STAU2: variants seen among roughly 807,000 people sequenced by gnomAD.
STAU2 encodes the protein double-stranded RNA-binding protein Staufen homolog 2.
STAU2 carries 20 observed loss-of-function variants against 65.9 expected under a neutral mutation model. That is an observed-to-expected ratio of 0.30 (90% CI 0.21 to 0.44). The LOEUF (loss-of-function observed/expected upper bound fraction) is 0.44, where lower values mean the gene tolerates loss of function less well. Among genes scored for constraint, STAU2 ranks in the 20% least tolerant of loss-of-function variants. The pLI is 1.00. For synonymous variants in STAU2, 232 were observed against 233.9 expected (o/e 0.99, Z 0.07); for missense variants, 558 against 683.9 (o/e 0.82, Z 2.05).
Position 73,637,477 on chromosome 8 carries a change from T to TAAAAAAAAAAAAAAAAAAAAAAAAAA in STAU2, c.411-20052_411-20027dup, listed in dbSNP as rs60833468. Reference sequence around the variant, plus strand: ...TAAAGTCTTTATAAAGTGCTGAAAGTAAAAAAAAAAAAAAAAAAAAAAAAA... The same window carrying TAAAAAAAAAAAAAAAAAAAAAAAAAA: ...TAAAGTCTTTATAAAGTGCTGAAAGTAAAAAAAAAAAAAAAAAAAAAAAAAAAAAAAAAAAAAAAAAAAAAAAAAAA... On this transcript the variant is annotated intron_variant, in intron 6 of 14. Coordinates refer to ENST00000524300, the MANE Select transcript of STAU2 (RefSeq NM_001164380.2). Among the ~76,000 whole-genome samples the TAAAAAAAAAAAAAAAAAAAAAAAAAA allele has an allele frequency of 5.1e-4, 29 of 57,088 alleles. 1 individual carries two copies. Among genetic ancestry groups the TAAAAAAAAAAAAAAAAAAAAAAAAAA allele is most frequent in the Non-Finnish European group, 5.9e-4 (20 of 33,718 alleles). The allele number at this position is 57,088 out of a possible 152,430, so 37.5% of individuals were successfully genotyped here. A position where few individuals can be genotyped will look rare whatever the true frequency, so the allele number is the denominator to read the frequency against.
In STAU2 at chr8:73,613,840, C is replaced by A. The variant is rs368673903; in HGVS notation, c.795G>T (p.Ala265=). 1.2e-6 allele frequency: 2 copies of A among 1,613,672 alleles called. No individual in the cohort carries two copies. Among genetic ancestry groups the A allele is most frequent in the East Asian group, 4.5e-5 (2 of 44,874 alleles). ...NSKKLSKKRA[A]TTVLQELKKL... ...TTTTAAGCTCCTGTAAGACGGTGGTCGCAGCGCGCTTCTTGGAGAGTTTTT... is the reference window on the plus strand; with the variant it reads ...TTTTAAGCTCCTGTAAGACGGTGGTAGCAGCGCGCTTCTTGGAGAGTTTTT... The change falls in exon 9 of 15, where the codon GCG becomes GCT. Residue 265 remains alanine, a synonymous_variant. Transcript: ENST00000524300.
chr8:73,656,428 C>T (rs972667382), intron 6 of STAU2, among the ~76,000 whole-genome samples: 2 of 152,242 alleles, frequency 1.3e-5, no homozygotes, highest in Admixed American at 1.3e-4. Flanking sequence ...CCAGAAACTA[C>T]CTGACTTACA....
chr8:73,676,036 C>T (rs1427407365), intron 5 of STAU2, among the ~76,000 whole-genome samples: 1 of 151,824 alleles, frequency 6.6e-6, no homozygotes. Flanking sequence ...ACTATTTCCA[C>T]AAATTGTATA....
At chr8:73,494,212 A>T (rs927066594) in intron 13 of STAU2, among the ~76,000 whole-genome samples, 2 of 151,750 alleles carry the variant, frequency 1.3e-5, no homozygotes, top group African/African-American at 4.8e-5. Flanking sequence ...CGCCCATGCT[A>T]AAGTACTCGG....
chr8:73,435,789 G>T (rs1817639768), intron 13 of STAU2, among the ~76,000 whole-genome samples: 2 of 151,978 alleles, frequency 1.3e-5, no homozygotes, highest in South Asian at 4.1e-4. Flanking sequence ...GTCTGCAAAG[G>T]AGATGCCTGG....
chr8:73,486,761 T>C (rs1265238269), intron 13 of STAU2, among the ~76,000 whole-genome samples: 6 of 151,498 alleles, frequency 4.0e-5, no homozygotes, highest in Non-Finnish European at 8.8e-5. Context: ...CAAGTGGTCC[T>C]CTCACCTCAG....
In STAU2 at chr8:73,571,338, C is replaced by T. The variant is rs533776954; in HGVS notation, c.1222+11432G>A. On this transcript the variant is annotated intron_variant, in intron 12 of 14. Coordinates refer to ENST00000524300, the MANE Select transcript of STAU2 (RefSeq NM_001164380.2). ...CCACTGTCAACATTAGACAGATCAA[C>T]GAGACAGAAAGTTAACACGGAAATC... Among the ~76,000 whole-genome samples, 205 of 152,206 alleles carry T rather than the reference C, an allele frequency of 1.3e-3. 1 individual carries two copies. The highest frequency in any genetic ancestry group is 4.5e-3 in the African/African-American group (186 of 41,518).
chr8:73,569,610 C>G (rs971334645), intron 12 of STAU2, among the ~76,000 whole-genome samples: 14 of 152,070 alleles, frequency 9.2e-5, no homozygotes, highest in African/African-American at 3.4e-4. Context: ...TGAGACGACG[C>G]TTCCACAGGA....
chr8:73,725,640 T>C (rs560916839), intron 3 of STAU2, among the ~76,000 whole-genome samples: 124 of 152,136 alleles, frequency 8.2e-4, no homozygotes, highest in African/African-American at 2.9e-3. Flanking sequence ...CTACTAAAAA[T>C]AAAAAAATTA....
At chr8:73,525,328 G>A (rs888169716) in intron 13 of STAU2, among the ~76,000 whole-genome samples, 1 of 152,192 alleles carries the variant, frequency 6.6e-6, no homozygotes, top group Non-Finnish European at 1.5e-5. Context: ...TCGTGCAGGT[G>A]TACACTGCAC....
intron 4 of STAU2, among the ~76,000 whole-genome samples, chr8:73,701,408 A>G (rs529471918): frequency 6.6e-6 from 1 of 152,310 alleles, no homozygotes; most frequent in East Asian, 1.9e-4. Flanking sequence ...AAAATATATA[A>G]GAAGCTCAAA....
chr8:73,513,699 G>C (rs1401313285), intron 13 of STAU2, among the ~76,000 whole-genome samples: 1 of 152,134 alleles, frequency 6.6e-6, no homozygotes, highest in Non-Finnish European at 1.5e-5. Context: ...CCCCAACTAG[G>C]AATGTAACCT....
intron 11 of STAU2, among the ~76,000 whole-genome samples, chr8:73,594,547 G>T (rs1811048631): frequency 6.6e-6 from 1 of 152,102 alleles, no homozygotes; most frequent in African/African-American, 2.4e-5. Context: ...AATACAAAAT[G>T]GAAATAAGCC....
At chr8:73,432,680 T>C (rs1817390311) in intron 13 of STAU2, among the ~76,000 whole-genome samples, 1 of 152,252 alleles carries the variant, frequency 6.6e-6, no homozygotes, top group Non-Finnish European at 1.5e-5. Flanking sequence ...ATATTGAGCT[T>C]GAGTTAACCC....
intron 13 of STAU2, among the ~76,000 whole-genome samples, chr8:73,534,291 C>T (rs1038989362): frequency 6.6e-6 from 1 of 152,144 alleles, no homozygotes; most frequent in Non-Finnish European, 1.5e-5. Context: ...AACGTCTGCA[C>T]CTCAGTTGTA....
At chr8:73,602,302 A>G (rs1166006002) in intron 10 of STAU2, among the ~76,000 whole-genome samples, 2 of 152,248 alleles carry the variant, frequency 1.3e-5, no homozygotes, top group Non-Finnish European at 2.9e-5. Flanking sequence ...TTTGAGTGCC[A>G]AAATGTCTAC....
chr8:73,493,766 T>C (rs1585869716), intron 13 of STAU2, among the ~76,000 whole-genome samples: 1 of 151,688 alleles, frequency 6.6e-6, no homozygotes, highest in Non-Finnish European at 1.5e-5. Flanking sequence ...GAAAAAAACA[T>C]GTCCACAAAA....
At chr8:73,424,137 C>T (rs1022019442) in intron 13 of STAU2, among the ~76,000 whole-genome samples, 6 of 139,114 alleles carry the variant, frequency 4.3e-5, no homozygotes, top group Non-Finnish European at 9.2e-5. Context: ...TGGGATCATA[C>T]AATATGTCAC....
At chr8:73,645,133 G>A (rs1443096760) in intron 6 of STAU2, among the ~76,000 whole-genome samples, 1 of 152,122 alleles carries the variant, frequency 6.6e-6, no homozygotes, top group Admixed American at 6.6e-5. Context: ...TGCCAAAGGG[G>A]TTATGGTGGG....
Sources: allele counts gnomAD v4.1 joint callset (sites outside exome capture counted in the v4.1 genomes callset), GRCh38; gene constraint gnomAD v4.1.1; transcripts MANE v1.5; gene names NCBI Gene and HGNC (gene_info 2026-07-23, HGNC 2026-07-21).